Variants in RPSA2 observed in about 807,000 individuals in gnomAD.
The protein encoded by RPSA2 is small ribosomal subunit protein uS2B.
At chr19:23,776,893 CT>C in the RPSA2 span, among the ~76,000 whole-genome samples, 1 of 152,176 alleles carries the variant, frequency 6.6e-6, no homozygotes, top group Non-Finnish European at 1.5e-5. Context: ...ATGTTATCCC[CT>C]CCCCTCTCCT....
the RPSA2 span, among the ~76,000 whole-genome samples, chr19:23,762,129 G>A: frequency 6.6e-6 from 1 of 150,444 alleles, no homozygotes; most frequent in Admixed American, 6.6e-5. Context: ...TGTTGGTCAG[G>A]CTGGTCTCGA....
At chr19:23,761,921 T>TCTCTCTCTCTCTCTCTCTCTCTCTCTC in the RPSA2 span, among the ~76,000 whole-genome samples, 1 of 76,140 alleles carries the variant, frequency 1.3e-5, no homozygotes, top group Non-Finnish European at 2.6e-5. Flanking sequence ...TCTTTCTTTC[T>TCTCTCTCTCTCTCTCTCTCTCTCTCTC]TTTTTTTTTT....
the RPSA2 span, chr19:23,758,607 G>C: frequency 7.9e-7 from 1 of 1,268,460 alleles, no homozygotes; most frequent in Non-Finnish European, 1.2e-6. Flanking sequence ...CAGCGCAGCC[G>C]CCATCTTATG....
chr19:23,829,334 CTTG>C, the RPSA2 span, among the ~76,000 whole-genome samples: 2 of 152,090 alleles, frequency 1.3e-5, no homozygotes, highest in African/African-American at 2.4e-5. Context: ...GAGTTTTACT[CTTG>C]TTGTCCATGC....
the RPSA2 span, among the ~76,000 whole-genome samples, chr19:23,850,600 C>A: frequency 0.012 from 1,746 of 151,408 alleles, 35 homozygotes; most frequent in African/African-American, 0.039. Context: ...AAGTTTAAGT[C>A]TCCTAGTGGG....
chr19:23,767,887 C>T, the RPSA2 span, among the ~76,000 whole-genome samples: 1 of 151,466 alleles, frequency 6.6e-6, no homozygotes, highest in Non-Finnish European at 1.5e-5. Context: ...CTGCCTCAGC[C>T]TCCTGAGTAG....
At chr19:23,760,811 C>T in the RPSA2 span, among the ~76,000 whole-genome samples, 15 of 150,894 alleles carry the variant, frequency 9.9e-5, no homozygotes, top group African/African-American at 3.4e-4. Flanking sequence ...ATTACAGATG[C>T]GTGCCACCAC....
chr19:23,770,501 T>C, the RPSA2 span, among the ~76,000 whole-genome samples: 4 of 152,222 alleles, frequency 2.6e-5, no homozygotes. Context: ...TGACGTATCA[T>C]TGAGTTCAAC....
chr19:23,830,418 T>C, the RPSA2 span, among the ~76,000 whole-genome samples: 2 of 152,340 alleles, frequency 1.3e-5, no homozygotes, highest in Non-Finnish European at 1.5e-5. Flanking sequence ...GTGCCTGGAT[T>C]ACAGGCAGGA....
chr19:23,827,555 C>T, the RPSA2 span: 3 of 1,594,782 alleles, frequency 1.9e-6, no homozygotes, highest in Non-Finnish European at 2.5e-6. Flanking sequence ...GGCTGACCAC[C>T]AGCCTCTCAC....
At chr19:23,825,908 C>T in the RPSA2 span, among the ~76,000 whole-genome samples, 1 of 151,664 alleles carries the variant, frequency 6.6e-6, no homozygotes, top group African/African-American at 2.4e-5. Context: ...TTTATAATTT[C>T]AACAACCTAT....
the RPSA2 span, among the ~76,000 whole-genome samples, chr19:23,857,701 TG>T: frequency 6.6e-6 from 1 of 152,020 alleles, no homozygotes; most frequent in Non-Finnish European, 1.5e-5. Context: ...TTCACCATAT[TG>T]GTCAGGCTGG....
the RPSA2 span, among the ~76,000 whole-genome samples, chr19:23,805,268 G>A: frequency 6.6e-6 from 1 of 151,896 alleles, no homozygotes; most frequent in Non-Finnish European, 1.5e-5. Context: ...GCGTTCAAGC[G>A]ATTCTCCTCC....
At chr19:23,793,571 T>A in the RPSA2 span, among the ~76,000 whole-genome samples, 2 of 152,162 alleles carry the variant, frequency 1.3e-5, no homozygotes, top group East Asian at 3.9e-4. Flanking sequence ...TCTTCTTTTT[T>A]TTTTTCTTTT....
the RPSA2 span, chr19:23,833,210 G>A: frequency 1.7e-6 from 2 of 1,178,654 alleles, no homozygotes; most frequent in Non-Finnish European, 2.1e-6. Context: ...ATTTATACTT[G>A]AAAGCAACCC....
chr19:23,846,900 A>T, the RPSA2 span, among the ~76,000 whole-genome samples: 14 of 152,294 alleles, frequency 9.2e-5, no homozygotes, highest in Non-Finnish European at 1.3e-4. Context: ...ATGTATGTCT[A>T]ATTCTATTGC....
chr19:23,819,597 C>T, the RPSA2 span, among the ~76,000 whole-genome samples: 2 of 152,164 alleles, frequency 1.3e-5, no homozygotes, highest in African/African-American at 2.4e-5. Context: ...CTTTCCCATA[C>T]CCAGCCATGA....
chr19:23,844,470 T>A, the RPSA2 span, among the ~76,000 whole-genome samples: 1 of 152,284 alleles, frequency 6.6e-6, no homozygotes, highest in East Asian at 1.9e-4. Context: ...ATACTCATGT[T>A]GGCTATTTGT....
chr19:23,815,674 C>T, the RPSA2 span, among the ~76,000 whole-genome samples: 1 of 152,136 alleles, frequency 6.6e-6, no homozygotes, highest in African/African-American at 2.4e-5. Context: ...ATACGGTCTG[C>T]AATGTCGTCT....
Sources: gnomAD v4.1 joint callset for allele counts (sites outside exome capture counted in the v4.1 genomes callset) on GRCh38, gnomAD v4.1.1 for gene constraint, MANE v1.5 for transcripts, NCBI Gene and HGNC (gene_info 2026-07-23, HGNC 2026-07-21) for gene names.